The following TCP11L1 variants were observed in gnomAD, a reference collection of about 807,000 sequenced individuals.
The protein encoded by TCP11L1 is t-complex 11 like 1.
Under a neutral mutation model 48.9 loss-of-function variants are expected in TCP11L1, and 28 were observed. That is an observed-to-expected ratio of 0.57 (90% CI 0.42 to 0.78). The LOEUF (loss-of-function observed/expected upper bound fraction) is 0.78, where lower values mean the gene tolerates loss of function less well. TCP11L1 is among the 30% of genes least tolerant of loss of function. TCP11L1 has a pLI of 0.00. For synonymous variants in TCP11L1, 204 were observed against 231.9 expected, an observed-to-expected ratio of 0.88 and a Z score of 1.09; for missense variants, 505 against 613.4, an observed-to-expected ratio of 0.82 and a Z score of 1.87.
In TCP11L1 at chr11:33,039,781, A is replaced by T. The variant is rs1853772329; in HGVS notation, c.-36A>T. On this transcript the variant is annotated 5_prime_UTR_variant, in exon 1 of 10. Transcript: ENST00000334274. ...GGGAGCGGCAGGAGGGAGAACGCCG[A>T]CTCCGTGGCAGGTGAGAGCGGGAGC... 1 of 152,278 alleles carries T rather than the reference A, an allele frequency of 6.6e-6. No individual in the cohort carries two copies. The highest frequency in any genetic ancestry group is 6.5e-5 in the Admixed American group (1 of 15,284). 9.4% of individuals were successfully genotyped at this position (152,278 alleles called of 1,614,324 possible). A position where few individuals can be genotyped will look rare whatever the true frequency, so the allele number is the denominator to read the frequency against.
chr11:33,071,794 G>A (rs1296061212), intron 9 of TCP11L1, among the ~76,000 whole-genome samples: 1 of 152,150 alleles, frequency 6.6e-6, no homozygotes, highest in Non-Finnish European at 1.5e-5. Context: ...TCCTCGGAGA[G>A]CAGAGCATGT....
intron 8 of TCP11L1, among the ~76,000 whole-genome samples, chr11:33,067,650 A>G (rs1442499171): frequency 6.6e-6 from 1 of 152,148 alleles, no homozygotes; most frequent in Admixed American, 6.5e-5. Flanking sequence ...TTGCACTCCC[A>G]TATCCTCCCT....
intron 3 of TCP11L1, chr11:33,056,598 T>A (rs1854315768): frequency 5.6e-6 from 1 of 179,458 alleles, no homozygotes; most frequent in African/African-American, 2.4e-5. Context: ...AGTCTCGCTC[T>A]GTTGTCCAGG....
intron 7 of TCP11L1, among the ~76,000 whole-genome samples, chr11:33,063,966 T>G (rs951570631): frequency 6.6e-5 from 10 of 152,084 alleles, no homozygotes; most frequent in Admixed American, 5.9e-4. Flanking sequence ...AAAATAGCTG[T>G]GGGAGACCAT....
chr11:33,065,691 A>C (rs887745917), intron 7 of TCP11L1, 139 bp from the exon 8 acceptor site: 4 of 929,322 alleles, frequency 4.3e-6, no homozygotes, highest in Admixed American at 2.3e-5. Context: ...ATTTCACACC[A>C]GACTCCCTCA....
chr11:33,048,517 CTG>C (rs1265996678), intron 2 of TCP11L1, among the ~76,000 whole-genome samples: 3 of 152,224 alleles, frequency 2.0e-5, no homozygotes, highest in African/African-American at 7.2e-5. Flanking sequence ...AATAATTCCT[CTG>C]TATGTACATC....
chr11:33,068,850 A>G lies in TCP11L1; in HGVS notation c.1318A>G (p.Arg440Gly). 6.2e-7 allele frequency: 1 copy of G among 1,612,722 alleles called. No individual in the cohort carries two copies. Among genetic ancestry groups the G allele is most frequent in the Non-Finnish European group, 8.5e-7 (1 of 1,178,910 alleles). ...AVASPDDPIR[R>G]IMESRILTFL... ...GGCCAGTCCCGATGACCCCATTCGC[A>G]GGATCATGGGTACGTTTGGGGAAGG... The change falls in exon 9 of 10, where the codon AGG (arginine) becomes GGG (glycine). Residue 440 changes from arginine (R) to glycine (G), a missense_variant. Physicochemically the swap from Arg to Gly is moderately radical, Grantham distance 125 (BLOSUM62 -2). Transcript: ENST00000334274.
At chr11:33,070,662 G>GAGACGAGGGAAACT in intron 9 of TCP11L1, among the ~76,000 whole-genome samples, 1 of 146,544 alleles carries the variant, frequency 6.8e-6, no homozygotes, top group Non-Finnish European at 1.5e-5. Context: ...TCCAGCCTGG[G>GAGACGAGGGAAACT]CAATAAGAGC....
chr11:33,042,855 C>T (rs1212017722), intron 1 of TCP11L1, among the ~76,000 whole-genome samples: 2 of 152,162 alleles, frequency 1.3e-5, no homozygotes, highest in African/African-American at 4.8e-5. Context: ...ATCATGAGGT[C>T]AGGAGTTCGA....
In TCP11L1 at chr11:33,058,206, C is replaced by CT. The variant is rs963733823; in HGVS notation, c.638+77dup. 4,707 of 1,237,826 alleles carry CT rather than the reference C, an allele frequency of 3.8e-3. 1 individual carries two copies. Among genetic ancestry groups the CT allele is most frequent in the South Asian group, 4.7e-3 (265 of 56,864 alleles). 76.7% of individuals were successfully genotyped at this position (1,237,826 alleles called of 1,614,324 possible). On this transcript the variant is annotated intron_variant, in intron 5 of 9. Transcript: ENST00000334274. ...AGAGGCATTTTCTTTTTTTTCTTTT[C>CT]TTTTTTTTTTGAGACAGAGTCTCAC...
At position 33,043,868 on chromosome 11, in the gene TCP11L1, C is replaced by T. The variant is rs117571357; in HGVS notation, c.95C>T (p.Ala32Val). The T allele has an allele frequency of 1.8e-3, 2,935 of 1,613,800 alleles. 8 individuals are homozygous for T. The highest frequency in any genetic ancestry group is 2.3e-3 in the Non-Finnish European group (2,712 of 1,179,902). ...EEGLEDAVEG[A>V]DEALQKAIKS... ...GGCCTCGAAGATGCTGTGGAAGGTG[C>T]TGATGAAGCCTTACAAAAAGCAATA... The change falls in exon 2 of 10, where the codon GCT becomes GTT. Residue 32 changes from alanine to valine, a missense_variant. Transcript: ENST00000334274.
At chr11:33,045,904 GTGACGGTTTAGCA>G (rs956866512) in intron 2 of TCP11L1, among the ~76,000 whole-genome samples, 1 of 152,242 alleles carries the variant, frequency 6.6e-6, no homozygotes, top group Non-Finnish European at 1.5e-5. Context: ...ATCTACAGCT[GTGACGGTTTAGCA>G]TTTTCTTTGC....
intron 3 of TCP11L1, among the ~76,000 whole-genome samples, chr11:33,056,298 A>C (rs527569407): frequency 6.6e-6 from 1 of 152,266 alleles, no homozygotes; most frequent in African/African-American, 2.4e-5. Flanking sequence ...TTTAGTAGAG[A>C]TAGTATTTCA....
At chr11:33,047,068 C>A (rs1470176637) in intron 2 of TCP11L1, among the ~76,000 whole-genome samples, 1 of 151,908 alleles carries the variant, frequency 6.6e-6, no homozygotes, top group Non-Finnish European at 1.5e-5. Context: ...ACTAAAAATA[C>A]AAAAATTAGC....
At chr11:33,057,066 T>G in intron 3 of TCP11L1, 49 bp from the exon 4 acceptor site, 1 of 1,611,288 alleles carries the variant, frequency 6.2e-7, no homozygotes, top group Non-Finnish European at 8.5e-7. Context: ...GATTTGAAAC[T>G]CAAATATTTT....
chr11:33,058,165 C>T (rs368401002), intron 5 of TCP11L1, 26 bp downstream of exon 5: 23 of 1,560,806 alleles, frequency 1.5e-5, no homozygotes, highest in Middle Eastern at 1.7e-4. Flanking sequence ...AATCATACTC[C>T]GTGCAACTAC....
At chr11:33,052,533 G>A (rs1476714902) in intron 2 of TCP11L1, among the ~76,000 whole-genome samples, 1 of 151,432 alleles carries the variant, frequency 6.6e-6, no homozygotes, top group Admixed American at 6.6e-5. Context: ...TTTCACCAAT[G>A]TAAGAAGATC....
In TCP11L1 at chr11:33,054,298, G is replaced by A. The variant is rs141805514; in HGVS notation, c.164-295G>A. Among the ~76,000 whole-genome samples, 560 of 151,712 alleles carry A rather than the reference G, an allele frequency of 3.7e-3. 6 individuals carry two copies. Among genetic ancestry groups the A allele is most frequent in the African/African-American group, 0.013 (532 of 41,320 alleles). ...TAAACCCTCAGCTTATGGGACAGATGATCATCTGTAACTTAAGTTTTCCTA... is the reference window on the plus strand; with the variant it reads ...TAAACCCTCAGCTTATGGGACAGATAATCATCTGTAACTTAAGTTTTCCTA... On this transcript the variant is annotated intron_variant, in intron 2 of 9. Transcript: ENST00000334274.
intron 9 of TCP11L1, 41 bp from the exon 10 acceptor site, chr11:33,072,433 G>A (rs757944568): frequency 1.2e-6 from 2 of 1,607,624 alleles, no homozygotes; most frequent in Non-Finnish European, 1.7e-6. Context: ...TTTGTAAGGT[G>A]AAGGACAAGA....
Sources: gnomAD v4.1 joint callset for allele counts (sites outside exome capture counted in the v4.1 genomes callset) on GRCh38, gnomAD v4.1.1 for gene constraint, MANE v1.5 for transcripts, NCBI Gene and HGNC (gene_info 2026-07-23, HGNC 2026-07-21) for gene names.